FSTL5: variants seen among roughly 807,000 people sequenced by gnomAD.
The protein encoded by FSTL5 is follistatin like 5.
In FSTL5, 62 loss-of-function variants were observed where a neutral mutation model predicts 89.1. The ratio of observed to expected loss-of-function variants is 0.70; its 90% CI spans 0.57 to 0.86. The LOEUF (loss-of-function observed/expected upper bound fraction) is 0.86, where lower values mean the gene tolerates loss of function less well. Ranked by LOEUF, FSTL5 falls within the 40% of genes least tolerant of loss-of-function variation. The pLI is 0.00. For synonymous variants in FSTL5, 383 were observed against 346.2 expected (o/e 1.11, Z -1.18); for missense variants, 1,057 against 1,001.6 (o/e 1.06, Z -0.75).
At chr4:161,807,425 G>C (rs557010232) in intron 4 of FSTL5, among the ~76,000 whole-genome samples, 10 of 152,250 alleles carry the variant, frequency 6.6e-5, no homozygotes, top group African/African-American at 2.4e-4. Flanking sequence ...CCTGGAAAAT[G>C]TAGAATCATT....
chr4:162,069,942 T>C (rs1729536594), intron 2 of FSTL5, among the ~76,000 whole-genome samples: 1 of 151,916 alleles, frequency 6.6e-6, no homozygotes, highest in Admixed American at 6.6e-5. Context: ...ATTCCTATAC[T>C]AATTTTTAAA....
At chr4:161,904,112 T>C (rs1733453087) in intron 4 of FSTL5, among the ~76,000 whole-genome samples, 1 of 152,036 alleles carries the variant, frequency 6.6e-6, no homozygotes, top group Admixed American at 6.5e-5. Flanking sequence ...TCTAAAACTT[T>C]AAAGAATAGT....
At chr4:161,971,588 T>C (rs1160348184) in intron 3 of FSTL5, among the ~76,000 whole-genome samples, 1 of 152,108 alleles carries the variant, frequency 6.6e-6, no homozygotes, top group Non-Finnish European at 1.5e-5. Context: ...GAATTGTAAT[T>C]ACCTAAACAT....
intron 11 of FSTL5, among the ~76,000 whole-genome samples, chr4:161,501,729 G>A (rs568186096): frequency 7.9e-5 from 12 of 151,892 alleles, no homozygotes; most frequent in African/African-American, 2.7e-4. Context: ...CTCAAGTCAC[G>A]TTTTATATAA....
chr4:162,035,192 C>A (rs1737687544), intron 2 of FSTL5: 1 of 152,008 alleles, frequency 6.6e-6, no homozygotes, highest in Non-Finnish European at 1.5e-5. Flanking sequence ...ATGTATGGAT[C>A]ACTTTTTTAT....
chr4:161,505,483 C>A (rs1010214698), intron 11 of FSTL5, among the ~76,000 whole-genome samples: 8 of 152,066 alleles, frequency 5.3e-5, no homozygotes, highest in Non-Finnish European at 1.2e-4. Flanking sequence ...GTATATTGGC[C>A]AGAGTGATAG....
At chr4:161,979,156 G>A (rs967355937) in intron 3 of FSTL5, among the ~76,000 whole-genome samples, 1 of 152,126 alleles carries the variant, frequency 6.6e-6, no homozygotes, top group African/African-American at 2.4e-5. Flanking sequence ...TGGGATGTCA[G>A]AGGCTTGAAA....
intron 3 of FSTL5, among the ~76,000 whole-genome samples, chr4:161,934,899 C>T (rs1467542159): frequency 6.6e-6 from 1 of 151,946 alleles, no homozygotes; most frequent in South Asian, 2.1e-4. Context: ...AGTTATAATC[C>T]AAAGTTTGTG....
chr4:161,982,169 C>T (rs1029629746), intron 3 of FSTL5, among the ~76,000 whole-genome samples: 3 of 152,122 alleles, frequency 2.0e-5, no homozygotes, highest in Non-Finnish European at 2.9e-5. Context: ...TAAATAACAA[C>T]AGAAATAGCA....
chr4:161,657,369 T>C (rs1202724676), intron 6 of FSTL5, among the ~76,000 whole-genome samples: 2 of 152,194 alleles, frequency 1.3e-5, no homozygotes, highest in Non-Finnish European at 2.9e-5. Context: ...ATTTGAGTCT[T>C]GTATTTTGAC....
chr4:162,083,864 A>G (rs80183400), intron 2 of FSTL5, among the ~76,000 whole-genome samples: 1 of 151,912 alleles, frequency 6.6e-6, no homozygotes, highest in African/African-American at 2.4e-5. Flanking sequence ...TAAATTCATT[A>G]TTATGAGATG....
intron 8 of FSTL5, among the ~76,000 whole-genome samples, chr4:161,568,735 G>T (rs1021665692): frequency 6.6e-6 from 1 of 152,090 alleles, no homozygotes; most frequent in African/African-American, 2.4e-5. Flanking sequence ...AATGGCTTTT[G>T]CTATGTTTCT....
At chr4:162,104,669 C>T (rs1449963047) in intron 2 of FSTL5, among the ~76,000 whole-genome samples, 2 of 152,126 alleles carry the variant, frequency 1.3e-5, no homozygotes, top group African/African-American at 4.8e-5. Flanking sequence ...CTCTGGCTAC[C>T]GCTACTACTG....
chr4:161,532,365 G>A (rs914903990), intron 10 of FSTL5, among the ~76,000 whole-genome samples: 1 of 152,086 alleles, frequency 6.6e-6, no homozygotes. Flanking sequence ...AAAGCCCAGA[G>A]AGGTCATGTA....
intron 4 of FSTL5, among the ~76,000 whole-genome samples, chr4:161,898,734 A>G (rs1246506050): frequency 1.4e-5 from 2 of 146,780 alleles, no homozygotes; most frequent in Non-Finnish European, 3.0e-5. Flanking sequence ...GGTTCATGCC[A>G]TTCTCCTGCC....
At chr4:161,538,987 ACTCCTGAC>A (rs1731728066) in intron 9 of FSTL5, among the ~76,000 whole-genome samples, 1 of 150,824 alleles carries the variant, frequency 6.6e-6, no homozygotes, top group South Asian at 2.1e-4. Flanking sequence ...CTGGTTTCGA[ACTCCTGAC>A]CTCAGGTTAT....
chr4:161,495,625 C>T (rs1178369747), intron 12 of FSTL5: 1 of 151,932 alleles, frequency 6.6e-6, no homozygotes, highest in Non-Finnish European at 1.5e-5. Flanking sequence ...GACATTGCAC[C>T]AAAATTGAGT....
intron 14 of FSTL5, among the ~76,000 whole-genome samples, chr4:161,457,777 G>A (rs1326962912): frequency 6.6e-6 from 1 of 151,930 alleles, no homozygotes; most frequent in East Asian, 1.9e-4. Context: ...ATCTTGCAAA[G>A]AGTATACTTA....
At chr4:161,472,613 G>A (rs759493390) in intron 13 of FSTL5, among the ~76,000 whole-genome samples, 4 of 150,832 alleles carry the variant, frequency 2.7e-5, no homozygotes, top group Non-Finnish European at 5.9e-5. Flanking sequence ...TTTTTTAATC[G>A]ATTGTTTAAG....
Sources: allele counts gnomAD v4.1 joint callset (sites outside exome capture counted in the v4.1 genomes callset), GRCh38; gene constraint gnomAD v4.1.1; transcripts MANE v1.5; gene names NCBI Gene and HGNC (gene_info 2026-07-23, HGNC 2026-07-21).